Variants in PLPPR3 observed in about 807,000 individuals in gnomAD.
PLPPR3 encodes phospholipid phosphatase-related protein type 3.
In PLPPR3, 14 loss-of-function variants were observed where a neutral mutation model predicts 27.3. The observed-to-expected ratio is 0.51, with a 90% confidence interval of 0.34 to 0.80. The LOEUF (loss-of-function observed/expected upper bound fraction) is 0.80. Among genes scored for constraint, PLPPR3 ranks in the 30% least tolerant of loss-of-function variants. The probability of loss-of-function intolerance (pLI) is 0.01; values close to 1 mark genes in which losing one functional copy is unlikely to be tolerated. For synonymous variants in PLPPR3, 671 were observed against 508.0 expected, an observed-to-expected ratio of 1.32 and a Z score of -4.32; for missense variants, 1,287 against 1,056.9, an observed-to-expected ratio of 1.22 and a Z score of -3.02.
intron 2 of PLPPR3, among the ~76,000 whole-genome samples, chr19:818,268 A>T (rs2035092453): frequency 6.6e-6 from 1 of 152,060 alleles, no homozygotes; most frequent in Non-Finnish European, 1.5e-5. Context: ...CTGTAGTCTC[A>T]GCTACTCCGG....
chr19:816,260 GTCCA>G (rs1421483944), intron 2 of PLPPR3, among the ~76,000 whole-genome samples: 7 of 115,348 alleles, frequency 6.1e-5, no homozygotes, highest in South Asian at 6.1e-4. Flanking sequence ...TCATTCATCT[GTCCA>G]TCCATCCATC....
In PLPPR3 at chr19:818,137, C is replaced by T. The variant is rs8102621; in HGVS notation, c.76-2286G>A. 3.6e-3 allele frequency among the ~76,000 whole-genome samples: 551 copies of T among 152,274 alleles called. 2 individuals are homozygous for T. Among genetic ancestry groups the T allele is most frequent in the African/African-American group, 0.013 (530 of 41,552 alleles). On this transcript the variant is annotated intron_variant, in intron 2 of 7. Transcript: ENST00000520876. Reference sequence around the variant, plus strand: ...GTGGCTCACGCCTGTCATCCCAGCACTTTGGGAGGCCGGGACGGGCAGATC... The same window carrying T: ...GTGGCTCACGCCTGTCATCCCAGCATTTTGGGAGGCCGGGACGGGCAGATC...
Position 813,481 on chromosome 19 carries a change from G to A in PLPPR3, c.1246C>T (p.Leu416=). 4 of 1,545,124 alleles carry A rather than the reference G, an allele frequency of 2.6e-6. No homozygotes were observed. Among genetic ancestry groups the A allele is most frequent in the Non-Finnish European group, 3.5e-6 (4 of 1,149,574 alleles). Residue 416 remains leucine (L), a synonymous_variant, in exon 8 of 8, where the codon CTG becomes TTG. Coordinates refer to ENST00000520876, the MANE Select transcript of PLPPR3 (RefSeq NM_001270366.2). This position sits in a 1 kb window ranked among gnomAD's most constrained non-coding sequence, Gnocchi z 4.1. ...GGCAGCCCCAGGCCGCGGCCCTCCAGGCTCTTCTGCTTCCACTCGCTGATG... is the reference window on the plus strand; with the variant it reads ...GGCAGCCCCAGGCCGCGGCCCTCCAAGCTCTTCTGCTTCCACTCGCTGATG... ...QLISEWKQKS[L]EGRGLGLPDD... is the part of the protein sequence containing the mutation.
upstream of PLPPR3, among the ~76,000 whole-genome samples, chr19:823,164 G>C (rs780980718): frequency 6.6e-6 from 1 of 151,638 alleles, no homozygotes; most frequent in Non-Finnish European, 1.5e-5. Context: ...CTTCCAGGCT[G>C]GGTGCAGTGG....
At chr19:814,407 C>G (rs1419098150) in intron 7 of PLPPR3, 27 bp downstream of exon 7, 3 of 1,571,188 alleles carry the variant, frequency 1.9e-6, no homozygotes, top group Non-Finnish European at 2.6e-6. Context: ...GAACCCATGC[C>G]GACCCCCATC....
chr19:813,075 G>T lies in PLPPR3; in HGVS notation c.1652C>A (p.Pro551His). The T allele has an allele frequency of 6.7e-7, 1 of 1,500,472 alleles. No individual in the cohort carries two copies. 92.9% of individuals were successfully genotyped at this position (1,500,472 alleles called of 1,614,324 possible). A position where few individuals can be genotyped will look rare whatever the true frequency, so the allele number is the denominator to read the frequency against. Residue 551 changes from proline to histidine, a missense_variant, in exon 8 of 8, where the codon CCC (proline) becomes CAC (histidine). Coordinates refer to ENST00000520876, the MANE Select transcript of PLPPR3 (RefSeq NM_001270366.2). This position sits in a 1 kb window ranked among gnomAD's most constrained non-coding sequence, Gnocchi z 4.1. ...AMSKAPGAPG[P>H]KAAETASSSS... is the part of the protein sequence containing the mutation. Reference sequence around the variant, plus strand: ...CGACGACGCCGTCTCGGCCGCCTTGGGGCCCGGCGCGCCCGGAGCCTTGGA... The same window carrying T: ...CGACGACGCCGTCTCGGCCGCCTTGTGGCCCGGCGCGCCCGGAGCCTTGGA...
At chr19:816,842 C>T (rs1007469584) in intron 2 of PLPPR3, among the ~76,000 whole-genome samples, 2 of 151,206 alleles carry the variant, frequency 1.3e-5, no homozygotes, top group South Asian at 4.2e-4. Flanking sequence ...GCCATTCATT[C>T]ATCTATCCAT....
upstream of PLPPR3, among the ~76,000 whole-genome samples, chr19:822,233 C>T (rs974627998): frequency 2.6e-5 from 4 of 151,688 alleles, no homozygotes; most frequent in African/African-American, 9.7e-5. Context: ...GGTGACGGTC[C>T]CGTCCTCCCC....
chr19:816,742 TCATC>T (rs1213669793), intron 2 of PLPPR3, among the ~76,000 whole-genome samples: 2 of 133,528 alleles, frequency 1.5e-5, no homozygotes, highest in East Asian at 2.3e-4. Flanking sequence ...AGCCATTCAT[TCATC>T]CATCCATCCA....
Position 813,019 on chromosome 19 carries a change from G to A in PLPPR3, c.1708C>T (p.Arg570Trp), listed in dbSNP as rs1237331557. ...SSASSDSSQY[R>W]SPSDRDSASI... Reference sequence around the variant, plus strand: ...GCGGAGTCGCGGTCCGACGGCGACCGGTACTGCGAGGAGTCGGAGCTGGCG... The same window carrying A: ...GCGGAGTCGCGGTCCGACGGCGACCAGTACTGCGAGGAGTCGGAGCTGGCG... Residue 570 changes from arginine to tryptophan, a missense_variant, in exon 8 of 8, where the codon CGG (arginine) becomes TGG (tryptophan). Transcript: ENST00000520876. This position sits in a 1 kb window ranked among gnomAD's most constrained non-coding sequence, Gnocchi z 4.1. The A allele has an allele frequency of 2.0e-6, 3 of 1,517,330 alleles. No homozygotes were observed. The highest frequency in any genetic ancestry group is 2.6e-6 in the Non-Finnish European group (3 of 1,140,462). 94.0% of individuals were successfully genotyped at this position (1,517,330 alleles called of 1,614,324 possible).
At chr19:814,795 G>A (rs947839074) in intron 5 of PLPPR3, 46 bp from the exon 6 acceptor site, 1 of 1,559,482 alleles carries the variant, frequency 6.4e-7, no homozygotes, top group Non-Finnish European at 8.6e-7. Flanking sequence ...GGGGACCCCA[G>A]CTCCAGTGGC....
At position 813,198 on chromosome 19, in the gene PLPPR3, T is replaced by C. The variant is rs745851970; in HGVS notation, c.1529A>G (p.Lys510Arg). 5 of 1,507,782 alleles carry C rather than the reference T, an allele frequency of 3.3e-6. No homozygotes were observed. Among genetic ancestry groups the C allele is most frequent in the Middle Eastern group, 3.6e-4 (2 of 5,540 alleles). The allele number at this position is 1,507,782 out of a possible 1,614,324, so 93.4% of individuals were successfully genotyped here. The change falls in exon 8 of 8, where the codon AAA becomes AGA. Residue 510 changes from lysine (K) to arginine (R), a missense_variant. Coordinates refer to ENST00000520876, the MANE Select transcript of PLPPR3 (RefSeq NM_001270366.2). The surrounding 1 kb of genome is among the most constrained non-coding windows in gnomAD (Gnocchi z 4.1). ...GAQTGAGLSP[K>R]SGAGVRAKWL... ...CTTGGCGCGCACCCCGGCGCCGCTTTTGGGGGACAGGCCGGCCCCCGTCTG... is the reference window on the plus strand; with the variant it reads ...CTTGGCGCGCACCCCGGCGCCGCTTCTGGGGGACAGGCCGGCCCCCGTCTG...
Position 813,697 on chromosome 19 carries a change from T to A in PLPPR3, c.1030A>T (p.Thr344Ser), listed in dbSNP as rs571102633. 1,143 of 1,529,766 alleles carry A rather than the reference T, an allele frequency of 7.5e-4. 9 individuals are homozygous for A. The highest frequency in any genetic ancestry group is 6.6e-3 in the South Asian group (550 of 83,532). 94.8% of individuals were successfully genotyped at this position (1,529,766 alleles called of 1,614,324 possible). Reference protein sequence around the residue: ...GAPRPVAREKTSLGSLKRASV... With the variant: ...GAPRPVAREKSSLGSLKRASV... Reference sequence around the variant, plus strand: ...GCGCGCTTCAGGCTGCCCAGCGAGGTCTTCTCGCGGGCCACGGGCCGGGGC... The same window carrying A: ...GCGCGCTTCAGGCTGCCCAGCGAGGACTTCTCGCGGGCCACGGGCCGGGGC... Residue 344 changes from threonine to serine, a missense_variant, in exon 8 of 8, where the codon ACC becomes TCC. Transcript: ENST00000520876. This position sits in a 1 kb window ranked among gnomAD's most constrained non-coding sequence, Gnocchi z 4.1.
chr19:813,284 C>T lies in PLPPR3; in HGVS notation c.1443G>A (p.Arg481=), dbSNP rs1158913641. ...GCCCCGCGCGCGGTGGGAGGATGAC[C>T]CGAGGCCCCAGCCCCGGCCGCGCCT... is the stretch of plus-strand genomic sequence containing the variant. ...TVQARPGLGP[R]VILPPRAGPP... The change falls in exon 8 of 8, where the codon CGG becomes CGA. Residue 481 remains arginine (R), a synonymous_variant. Coordinates refer to ENST00000520876, the MANE Select transcript of PLPPR3 (RefSeq NM_001270366.2). This position sits in a 1 kb window ranked among gnomAD's most constrained non-coding sequence, Gnocchi z 4.1. The T allele has an allele frequency of 6.8e-7, 1 of 1,474,114 alleles. No individual in the cohort carries two copies. The highest frequency in any genetic ancestry group is 8.9e-7 in the Non-Finnish European group (1 of 1,123,516). 91.3% of individuals were successfully genotyped at this position (1,474,114 alleles called of 1,614,324 possible). A position where few individuals can be genotyped will look rare whatever the true frequency, so the allele number is the denominator to read the frequency against.
rs2034967574 is a variant in PLPPR3, at chr19:813,141, G to A, written c.1586C>T (p.Ala529Val). ...WLMMAEKSGA[A>V]VANPPRLLQV... The stretch of plus-strand genomic sequence containing the variant: ...CAGCAGCCGCGGAGGGTTGGCCACT[G>A]CCGCCCCGCTCTTCTCGGCCATCAT... Residue 529 changes from alanine (A) to valine (V), a missense_variant, in exon 8 of 8, where the codon GCA becomes GTA. Ala to Val is a moderately conservative substitution (Grantham distance 64, BLOSUM62 0). Transcript: ENST00000520876. The surrounding 1 kb of genome is among the most constrained non-coding windows in gnomAD (Gnocchi z 4.1). 2 of 1,519,720 alleles carry A rather than the reference G, an allele frequency of 1.3e-6. No individual in the cohort carries two copies. Among genetic ancestry groups the A allele is most frequent in the Non-Finnish European group, 1.7e-6 (2 of 1,144,284 alleles). 94.1% of individuals were successfully genotyped at this position (1,519,720 alleles called of 1,614,324 possible). A position where few individuals can be genotyped will look rare whatever the true frequency, so the allele number is the denominator to read the frequency against.
chr19:815,252 C>G lies in PLPPR3; in HGVS notation c.337G>C (p.Glu113Gln). ...CAGCCGCCGGCGTTGATGCTGCCCT[C>G]CGCCCCGGCGGGCCCCCCGGCACGG... ...WGRAGGPAGA[E>Q]GSINAGGCNF... The change falls in exon 4 of 8, where the codon GAG becomes CAG. Residue 113 changes from glutamate (E) to glutamine (Q), a missense_variant. Transcript: ENST00000520876. 1 of 1,573,674 alleles carries G rather than the reference C, an allele frequency of 6.4e-7. No homozygotes were observed. Among genetic ancestry groups the G allele is most frequent in the Non-Finnish European group, 8.6e-7 (1 of 1,162,516 alleles).
chr19:815,895 G>A lies in PLPPR3; in HGVS notation c.76-44C>T, dbSNP rs760897929. On this transcript the variant is annotated intron_variant, in intron 2 of 7. Coordinates refer to ENST00000520876, the MANE Select transcript of PLPPR3 (RefSeq NM_001270366.2). ...CCAGGTTCACCCTGCTCTCCCTCGCGGAGGCGTCTGTCCAGCCCTCCATGA... is the reference window on the plus strand; with the variant it reads ...CCAGGTTCACCCTGCTCTCCCTCGCAGAGGCGTCTGTCCAGCCCTCCATGA... The A allele has an allele frequency of 2.1e-5, 34 of 1,588,108 alleles. 1 individual carries two copies. The highest frequency in any genetic ancestry group is 1.7e-4 in the Middle Eastern group (1 of 5,930).
rs1258301051 is a variant in PLPPR3, at chr19:813,021, T to C, written c.1706A>G (p.Tyr569Cys). 1 of 1,519,496 alleles carries C rather than the reference T, an allele frequency of 6.6e-7. No homozygotes were observed. The highest frequency in any genetic ancestry group is 2.7e-5 in the East Asian group (1 of 37,626). The allele number at this position is 1,519,496 out of a possible 1,614,324, so 94.1% of individuals were successfully genotyped here. A position where few individuals can be genotyped will look rare whatever the true frequency, so the allele number is the denominator to read the frequency against. Residue 569 changes from tyrosine to cysteine, a missense_variant, in exon 8 of 8, where the codon TAC becomes TGC. Coordinates refer to ENST00000520876, the MANE Select transcript of PLPPR3 (RefSeq NM_001270366.2). The surrounding 1 kb of genome is among the most constrained non-coding windows in gnomAD (Gnocchi z 4.1). ...GGAGTCGCGGTCCGACGGCGACCGG[T>C]ACTGCGAGGAGTCGGAGCTGGCGCT... is the stretch of plus-strand genomic sequence containing the variant. ...SSSASSDSSQYRSPSDRDSAS... is the reference protein window; with the variant it reads ...SSSASSDSSQCRSPSDRDSAS...
At chr19:823,760 G>A (rs1193980404), upstream of PLPPR3, among the ~76,000 whole-genome samples, 1 of 152,166 alleles carries the variant, frequency 6.6e-6, no homozygotes, top group Non-Finnish European at 1.5e-5. Flanking sequence ...CATTCGATGC[G>A]ATCCTGTTCC....
Sources: gnomAD v4.1 joint callset for allele counts (sites outside exome capture counted in the v4.1 genomes callset) on GRCh38, gnomAD v4.1.1 for gene constraint, Gnocchi (gnomAD v3.1) non-coding constraint, MANE v1.5 for transcripts, NCBI Gene and HGNC (gene_info 2026-07-23, HGNC 2026-07-21) for gene names.